The following ANKRD30B variants were observed in gnomAD, a reference collection of about 807,000 sequenced individuals.
The protein encoded by ANKRD30B is ankyrin repeat domain 30B.
Under a neutral mutation model 202.2 loss-of-function variants are expected in ANKRD30B, and 144 were observed. That is an observed-to-expected ratio of 0.71 (90% CI 0.62 to 0.82). The LOEUF is 0.82. Ranked by LOEUF, ANKRD30B falls within the 40% of genes least tolerant of loss-of-function variation. The pLI, the probability that ANKRD30B is intolerant of heterozygous loss-of-function variation, is 0.00. For missense variants in ANKRD30B, 1,487 were observed against 1,669.1 expected (o/e 0.89, Z 1.90); for synonymous variants, 508 against 561.3 (o/e 0.91, Z 1.34).
intron 36 of ANKRD30B, among the ~76,000 whole-genome samples, chr18:14,838,908 A>C (rs1971292623): frequency 1.3e-5 from 2 of 152,276 alleles, no homozygotes; most frequent in Non-Finnish European, 2.9e-5. Flanking sequence ...CAAAATGATT[A>C]AAGTGGCATA....
At chr18:14,808,605 G>T in intron 25 of ANKRD30B, 26 bp downstream of exon 25, 1 of 1,574,632 alleles carries the variant, frequency 6.4e-7, no homozygotes, top group South Asian at 1.1e-5. Flanking sequence ...TTTCTATGTT[G>T]AATATTAACT....
the ANKRD30B span, among the ~76,000 whole-genome samples, chr18:14,907,022 CAGTT>C: frequency 2.0e-5 from 3 of 152,088 alleles, no homozygotes; most frequent in Admixed American, 2.0e-4. Flanking sequence ...GGAAATGTCT[CAGTT>C]AAGATAAGGA....
chr18:14,765,199 G>A (rs934188640), intron 7 of ANKRD30B, among the ~76,000 whole-genome samples: 6 of 152,028 alleles, frequency 3.9e-5, no homozygotes, highest in South Asian at 2.1e-4. Flanking sequence ...GGTGGCTCAC[G>A]CCTATAATCC....
the ANKRD30B span, among the ~76,000 whole-genome samples, chr18:14,899,752 T>C: frequency 6.6e-6 from 1 of 152,158 alleles, no homozygotes; most frequent in Admixed American, 6.5e-5. Flanking sequence ...CAAATATACA[T>C]CAATTTAAAA....
chr18:14,791,610 GA>G, intron 16 of ANKRD30B, 119 bp downstream of exon 16: 1 of 766,680 alleles, frequency 1.3e-6, no homozygotes, highest in Non-Finnish European at 2.1e-6. Flanking sequence ...ACAGAAAAAA[GA>G]GAAGTGAAAC....
At chr18:14,852,506 A>G in intron 42 of ANKRD30B, 86 bp downstream of exon 42, 2 of 1,400,322 alleles carry the variant, frequency 1.4e-6, no homozygotes, top group African/African-American at 1.5e-5. Flanking sequence ...GAATATATAT[A>G]TATATAAATA....
rs1322795370 is a variant in ANKRD30B at position 14,854,665 on chromosome 18, A to G, written c.*507A>G. 6.6e-6 allele frequency among the ~76,000 whole-genome samples: 1 copy of G among 152,194 alleles called. No homozygotes were observed. Among genetic ancestry groups the G allele is most frequent in the Non-Finnish European group, 1.5e-5 (1 of 68,032 alleles). Reference sequence around the variant, plus strand: ...GGAACACTTTTTTATAATTATAAAAACACAAATTTCCTTGTTTTGTGGAAA... The same window carrying G: ...GGAACACTTTTTTATAATTATAAAAGCACAAATTTCCTTGTTTTGTGGAAA... On this transcript the variant is annotated 3_prime_UTR_variant, in exon 44 of 44. Transcript: ENST00000690538.
Position 14,757,817 on chromosome 18 carries a change from C to G in ANKRD30B, c.620C>G (p.Thr207Arg). 6.2e-7 allele frequency: 1 copy of G among 1,611,550 alleles called. No homozygotes were observed. Among genetic ancestry groups the G allele is most frequent in the Non-Finnish European group, 8.5e-7 (1 of 1,179,248 alleles). Residue 207 changes from threonine (T) to arginine (R), a missense_variant and splice_region_variant, in exon 5 of 44, where the codon ACA becomes AGA. Transcript: ENST00000690538. ...NANAFNESKC[T>R]ALMLAICEGS... The stretch of plus-strand genomic sequence containing the variant: ...AAGTTATCTCTTTGTTATTTTAGCA[C>G]AGCCCTCATGCTTGCCATATGTGAA...
intron 7 of ANKRD30B, among the ~76,000 whole-genome samples, chr18:14,764,471 G>A (rs983344265): frequency 4.6e-5 from 7 of 152,070 alleles, no homozygotes; most frequent in African/African-American, 1.7e-4. Context: ...TCGGCTCACT[G>A]CAACCTGCGT....
chr18:14,891,131 T>C, the ANKRD30B span, among the ~76,000 whole-genome samples: 1 of 152,152 alleles, frequency 6.6e-6, no homozygotes, highest in Non-Finnish European at 1.5e-5. Flanking sequence ...TCTAACACAG[T>C]GCAAAGAAAA....
the ANKRD30B span, among the ~76,000 whole-genome samples, chr18:14,895,143 T>A: frequency 7.3e-6 from 1 of 137,314 alleles, no homozygotes. Flanking sequence ...TACTGGCGGG[T>A]AGTAGATGAG....
At chr18:14,795,073 T>A (rs1465404067) in intron 16 of ANKRD30B, among the ~76,000 whole-genome samples, 1 of 152,244 alleles carries the variant, frequency 6.6e-6, no homozygotes, top group Non-Finnish European at 1.5e-5. Context: ...AATTGTAGAA[T>A]TCATTCCTTG....
intron 12 of ANKRD30B, among the ~76,000 whole-genome samples, chr18:14,783,840 G>T (rs563696134): frequency 6.6e-6 from 1 of 151,974 alleles, no homozygotes; most frequent in Admixed American, 6.6e-5. Context: ...GGAAAACAGT[G>T]AATATTTATA....
chr18:14,833,385 A>G (rs1971038418), intron 34 of ANKRD30B, among the ~76,000 whole-genome samples: 1 of 152,160 alleles, frequency 6.6e-6, no homozygotes, highest in Non-Finnish European at 1.5e-5. Flanking sequence ...AGCAACTGGA[A>G]CTACAGGCAT....
At chr18:14,777,953 G>T in intron 9 of ANKRD30B, 32 bp from the exon 10 acceptor site, 2 of 1,483,058 alleles carry the variant, frequency 1.3e-6, no homozygotes, top group Non-Finnish European at 1.8e-6. Context: ...AAAGGAAAAA[G>T]ACAAATTATT....
chr18:14,783,020 A>G (rs567812211), intron 12 of ANKRD30B, among the ~76,000 whole-genome samples: 2 of 152,306 alleles, frequency 1.3e-5, no homozygotes, highest in African/African-American at 4.8e-5. Context: ...TGGCAAGAAT[A>G]TAAAATGATC....
chr18:14,917,377 T>C, the ANKRD30B span, among the ~76,000 whole-genome samples: 2 of 152,214 alleles, frequency 1.3e-5, no homozygotes, highest in Non-Finnish European at 2.9e-5. Context: ...ATCATTTTCC[T>C]GTACCCTCAC....
the ANKRD30B span, among the ~76,000 whole-genome samples, chr18:14,899,610 T>C: frequency 3.9e-5 from 6 of 152,146 alleles, no homozygotes; most frequent in African/African-American, 1.4e-4. Context: ...TCCAATATGA[T>C]TGTCACAATA....
At chr18:14,908,838 G>A in the ANKRD30B span, among the ~76,000 whole-genome samples, 1 of 152,182 alleles carries the variant, frequency 6.6e-6, no homozygotes, top group Non-Finnish European at 1.5e-5. Flanking sequence ...TGGTATGGGA[G>A]GATGTGGAGC....
Sources: gnomAD v4.1 joint callset for allele counts (sites outside exome capture counted in the v4.1 genomes callset) on GRCh38, gnomAD v4.1.1 for gene constraint, MANE v1.5 for transcripts, NCBI Gene and HGNC (gene_info 2026-07-23, HGNC 2026-07-21) for gene names.